Variants in PTER observed in about 807,000 individuals in gnomAD.
PTER encodes the protein phosphotriesterase related, also known as N-acetyltaurine hydrolase.
A neutral mutation model predicts 29.6 loss-of-function variants in PTER; 38 were observed. The observed-to-expected ratio is 1.28, with a 90% CI of 0.99 to 1.68. The LOEUF is 1.68. Ranked by LOEUF, PTER falls within the 40% of genes most tolerant of loss-of-function variation. The pLI is 0.00. For missense variants in PTER, 482 were observed against 427.8 expected, an observed-to-expected ratio of 1.13 and a Z score of -1.12; for synonymous variants, 172 against 154.5, an observed-to-expected ratio of 1.11 and a Z score of -0.84.
At chr10:16,517,436 C>T (rs1457661833), downstream of PTER, among the ~76,000 whole-genome samples, 1 of 152,036 alleles carries the variant, frequency 6.6e-6, no homozygotes, top group African/African-American at 2.4e-5. Flanking sequence ...GCTTTTAATC[C>T]TGAAACAGTA....
At chr10:16,465,221 G>A (rs1444159174) in intron 1 of PTER, among the ~76,000 whole-genome samples, 12 of 148,880 alleles carry the variant, frequency 8.1e-5, no homozygotes. Flanking sequence ...ATATAAAAAC[G>A]ATGAGTGACT....
chr10:16,457,122 G>A (rs1015206292), intron 1 of PTER, among the ~76,000 whole-genome samples: 1 of 152,066 alleles, frequency 6.6e-6, no homozygotes, highest in Non-Finnish European at 1.5e-5. Context: ...GAATACAAAG[G>A]CTTCAGCGAG....
At chr10:16,454,196 C>G (rs1564387283) in intron 1 of PTER, among the ~76,000 whole-genome samples, 1 of 152,180 alleles carries the variant, frequency 6.6e-6, no homozygotes, top group Non-Finnish European at 1.5e-5. Context: ...AACTCCACTT[C>G]TAATCCATTT....
intron 1 of PTER, among the ~76,000 whole-genome samples, chr10:16,478,574 T>G (rs957145910): frequency 2.0e-5 from 3 of 151,994 alleles, no homozygotes; most frequent in Admixed American, 1.3e-4. Context: ...CCTCAGGTGA[T>G]TTGCCTGCCT....
chr10:16,485,011 T>G (rs1000130977), intron 2 of PTER, among the ~76,000 whole-genome samples, 195 bp downstream of exon 2: 1 of 152,092 alleles, frequency 6.6e-6, no homozygotes, highest in Admixed American at 6.6e-5. Flanking sequence ...GCAAGCCTTG[T>G]GGTAAAGAAA....
chr10:16,438,677 C>T (rs1225853935), intron 1 of PTER, among the ~76,000 whole-genome samples: 2 of 150,456 alleles, frequency 1.3e-5, no homozygotes, highest in East Asian at 2.0e-4. Context: ...CCTGTAATCC[C>T]GGCACTTTGG....
chr10:16,477,526 G>C (rs1835324289), intron 1 of PTER, among the ~76,000 whole-genome samples: 1 of 152,090 alleles, frequency 6.6e-6, no homozygotes, highest in Non-Finnish European at 1.5e-5. Context: ...TTCATTGTTT[G>C]TTAGTGATCT....
chr10:16,488,162 G>A (rs1345123132), intron 3 of PTER, among the ~76,000 whole-genome samples: 3 of 152,156 alleles, frequency 2.0e-5, no homozygotes, highest in Admixed American at 6.5e-5. Context: ...TGGCTATCTT[G>A]AGGAATCTTC....
intron 3 of PTER, among the ~76,000 whole-genome samples, chr10:16,504,526 C>T (rs1408612667): frequency 6.6e-6 from 1 of 152,192 alleles, no homozygotes; most frequent in Non-Finnish European, 1.5e-5. Context: ...ACTTTACAAT[C>T]TTCACAAGAA....
intron 1 of PTER, among the ~76,000 whole-genome samples, chr10:16,466,307 T>G (rs1213108192): frequency 6.6e-6 from 1 of 151,982 alleles, no homozygotes; most frequent in East Asian, 1.9e-4. Context: ...TACCTTTTTT[T>G]TTTTTTTACA....
At chr10:16,495,251 A>ACCT (rs1836051521) in intron 3 of PTER, among the ~76,000 whole-genome samples, 1 of 150,848 alleles carries the variant, frequency 6.6e-6, no homozygotes, top group African/African-American at 2.4e-5. Flanking sequence ...GCTCACTGCA[A>ACCT]CCTCCACCTC....
chr10:16,510,090 T>C (rs1482527613), intron 4 of PTER, among the ~76,000 whole-genome samples: 8 of 152,184 alleles, frequency 5.3e-5, no homozygotes, highest in African/African-American at 1.9e-4. Flanking sequence ...CTTTAGAATC[T>C]AGACGCCAAA....
chr10:16,485,197 T>G (rs958474226), intron 2 of PTER, among the ~76,000 whole-genome samples: 2 of 152,228 alleles, frequency 1.3e-5, no homozygotes, highest in Non-Finnish European at 2.9e-5. Flanking sequence ...CGATTTTTTT[T>G]CACCCTGGAT....
intron 1 of PTER, among the ~76,000 whole-genome samples, chr10:16,456,795 G>A (rs1279481637): frequency 1.4e-5 from 2 of 146,002 alleles, no homozygotes; most frequent in Non-Finnish European, 3.0e-5. Context: ...ATCTTGAATT[G>A]TAGCTCTCAT....
At chr10:16,468,583 A>G (rs898194964) in intron 1 of PTER, among the ~76,000 whole-genome samples, 1 of 152,220 alleles carries the variant, frequency 6.6e-6, no homozygotes, top group Non-Finnish European at 1.5e-5. Flanking sequence ...TGTTCGCTAA[A>G]TACATACTGT....
intron 1 of PTER, among the ~76,000 whole-genome samples, chr10:16,479,608 A>G (rs1835402946): frequency 1.3e-5 from 2 of 152,134 alleles, no homozygotes; most frequent in Non-Finnish European, 2.9e-5. Context: ...AGAAGTGCTG[A>G]TCTATTTGGG....
rs557702977 is a variant in PTER, at chr10:16,466,640, G to C, written c.-48-17697G>C. 4.6e-5 allele frequency among the ~76,000 whole-genome samples: 7 copies of C among 152,344 alleles called. No individual in the cohort carries two copies. The South Asian group carries it at 1.4e-3, about 32-fold the overall frequency. Reference sequence around the variant, plus strand: ...CAAAGTGCTGGGCTTACAGGCATGAGCCACTGCACCTGGCCTGATTCTTTT... The same window carrying C: ...CAAAGTGCTGGGCTTACAGGCATGACCCACTGCACCTGGCCTGATTCTTTT... On this transcript the variant is annotated intron_variant, in intron 1 of 4. Transcript: ENST00000535784.
rs767015238 is a variant in PTER at position 16,505,202 on chromosome 10, C to A, written c.839+42C>A. ...CTCTCATAGCATTCCCTTTCCCTAG[C>A]CCTTTTTGATTGTCATATCTAGGGA... On this transcript the variant is annotated intron_variant, in intron 4 of 4. Transcript: ENST00000535784. The A allele has an allele frequency of 2.5e-6, 4 of 1,602,416 alleles. No individual in the cohort carries two copies. In the African/African-American group the frequency reaches 4.0e-5, roughly 16 times the overall value.
intron 1 of PTER, among the ~76,000 whole-genome samples, chr10:16,464,604 T>C (rs116544021): frequency 0.018 from 2,801 of 152,306 alleles, 95 homozygotes; most frequent in African/African-American, 0.064. Context: ...TATTTTTCAC[T>C]GTAAGCTAAT....
Sources: allele counts gnomAD v4.1 joint callset (sites outside exome capture counted in the v4.1 genomes callset), GRCh38; gene constraint gnomAD v4.1.1; transcripts MANE v1.5; gene names NCBI Gene and HGNC (gene_info 2026-07-23, HGNC 2026-07-21).